NKIRAS1: variants seen among roughly 807,000 people sequenced by gnomAD.
The protein encoded by NKIRAS1 is NF-kappa-B inhibitor-interacting Ras-like protein 1.
NKIRAS1 carries 16 observed loss-of-function variants against 19.8 expected under a neutral mutation model. The ratio of observed to expected loss-of-function variants is 0.81; its 90% CI spans 0.55 to 1.23. The LOEUF is 1.23. Ranked by LOEUF, NKIRAS1 falls within the 50% of genes most tolerant of loss-of-function variation. The probability of loss-of-function intolerance (pLI) is 0.00; values close to 1 mark genes in which losing one functional copy is unlikely to be tolerated. For synonymous variants in NKIRAS1, 88 were observed against 79.0 expected (o/e 1.11, Z -0.61); for missense variants, 184 against 220.0 (o/e 0.84, Z 1.04).
intron 3 of NKIRAS1, among the ~76,000 whole-genome samples, chr3:23,902,719 C>T (rs1393748697): frequency 1.3e-5 from 2 of 152,160 alleles, no homozygotes; most frequent in Non-Finnish European, 2.9e-5. Context: ...TTTCCTCTCC[C>T]ACTCCACGCT....
At chr3:23,920,222 C>T (rs961987531), upstream of NKIRAS1, 33 of 985,640 alleles carry the variant, frequency 3.3e-5, no homozygotes, top group East Asian at 4.5e-4. Flanking sequence ...AATACTTAAC[C>T]GTAATGCTAA....
chr3:23,897,022 C>CA (rs1702060390), intron 4 of NKIRAS1, among the ~76,000 whole-genome samples: 1 of 151,978 alleles, frequency 6.6e-6, no homozygotes, highest in Non-Finnish European at 1.5e-5. Flanking sequence ...GCCTGGGCAA[C>CA]AGAGCAAGAC....
Position 23,927,452 on chromosome 3 carries a change from C to T in NKIRAS1, c.-139-16002G>A, listed in dbSNP as rs4858557. ...TCATAATCAAAGCATTCAAACTTAA[C>T]GAAATGCTGTAGCTGGAATGCACAC... On this transcript the variant is annotated intron_variant, in intron 1 of 4. Transcript: ENST00000421515. This position sits in a 1 kb window ranked among gnomAD's most constrained non-coding sequence, Gnocchi z 4.0. Among the ~76,000 whole-genome samples, 1,037 of 152,280 alleles carry T rather than the reference C, an allele frequency of 6.8e-3. 10 individuals are homozygous for T. Among genetic ancestry groups the T allele is most frequent in the African/African-American group, 0.024 (991 of 41,564 alleles).
chr3:23,943,924 G>GGGTTTTTT (rs1368578877), intron 1 of NKIRAS1, among the ~76,000 whole-genome samples: 1 of 152,060 alleles, frequency 6.6e-6, no homozygotes, highest in Admixed American at 6.5e-5. Flanking sequence ...AGCCATTGGA[G>GGGTTTTTT]GGTTTTCAGC....
At chr3:23,936,415 C>T (rs900483559) in intron 1 of NKIRAS1, among the ~76,000 whole-genome samples, 4 of 152,184 alleles carry the variant, frequency 2.6e-5, no homozygotes, top group South Asian at 4.1e-4. Flanking sequence ...TACTGGCTTT[C>T]TAAGCTGATG....
chr3:23,925,930 A>C (rs1378297577), intron 1 of NKIRAS1, among the ~76,000 whole-genome samples: 1 of 152,228 alleles, frequency 6.6e-6, no homozygotes, highest in South Asian at 2.1e-4. Context: ...CTCCAGTCAT[A>C]TTAGTTACAT....
chr3:23,918,272 G>C, upstream of NKIRAS1: 1 of 908,090 alleles, frequency 1.1e-6, no homozygotes, highest in Non-Finnish European at 1.6e-6. Context: ...CCCTGTGTGA[G>C]TAGCCTAAGG....
intron 4 of NKIRAS1, among the ~76,000 whole-genome samples, chr3:23,898,894 G>A (rs560646035): frequency 7.2e-5 from 11 of 152,152 alleles, no homozygotes; most frequent in Non-Finnish European, 1.6e-4. Flanking sequence ...TCACATCAGT[G>A]GCATGAGGTT....
chr3:23,927,597 A>C lies in NKIRAS1; in HGVS notation c.-139-16147T>G, dbSNP rs1049579796. ...TCATTTATTGGCAATTCTCATTGTCATTTGGAGAGAAGTTCATTATTTGGC... is the reference window on the plus strand; with the variant it reads ...TCATTTATTGGCAATTCTCATTGTCCTTTGGAGAGAAGTTCATTATTTGGC... On this transcript the variant is annotated intron_variant, in intron 1 of 4. Coordinates refer to the NKIRAS1 transcript ENST00000421515. This position sits in a 1 kb window ranked among gnomAD's most constrained non-coding sequence, Gnocchi z 4.0. Among the ~76,000 whole-genome samples, 1 of 152,220 alleles carries C rather than the reference A, an allele frequency of 6.6e-6. No homozygotes were observed.
At chr3:23,925,037 C>T (rs761886329) in intron 1 of NKIRAS1, among the ~76,000 whole-genome samples, 10 of 152,202 alleles carry the variant, frequency 6.6e-5, no homozygotes, top group Non-Finnish European at 1.2e-4. Context: ...GCGTAGAACA[C>T]CCTAACCTGT....
At position 23,891,462 on chromosome 3, in the gene NKIRAS1, T is replaced by C. The variant is rs563448376; in HGVS notation, c.*1633A>G. The C allele has an allele frequency of 6.6e-6, 1 of 152,326 alleles. No homozygotes were observed. Among genetic ancestry groups the C allele is most frequent in the African/African-American group, 2.4e-5 (1 of 41,570 alleles). The allele number at this position is 152,326 out of a possible 1,614,324, so 9.4% of individuals were successfully genotyped here. On this transcript the variant is annotated 3_prime_UTR_variant, in exon 5 of 5. Transcript: ENST00000425478. Reference sequence around the variant, plus strand: ...AGTTACCTATATTAGGATCTGTACTTTACACAGCTGTAGATGAGGTATCCT... The same window carrying C: ...AGTTACCTATATTAGGATCTGTACTCTACACAGCTGTAGATGAGGTATCCT...
intron 3 of NKIRAS1, among the ~76,000 whole-genome samples, chr3:23,909,579 ATC>A (rs886645322): frequency 3.3e-5 from 5 of 152,152 alleles, no homozygotes; most frequent in African/African-American, 4.8e-5. Context: ...TGCTTTGATG[ATC>A]TCTGTTTACT....
intron 3 of NKIRAS1, among the ~76,000 whole-genome samples, chr3:23,901,405 G>C (rs185278838): frequency 6.6e-6 from 1 of 152,094 alleles, no homozygotes; most frequent in East Asian, 1.9e-4. Flanking sequence ...GGCTGGTCTC[G>C]AACTCCTGGG....
At chr3:23,907,351 T>C (rs1296127462) in intron 3 of NKIRAS1, among the ~76,000 whole-genome samples, 1 of 152,096 alleles carries the variant, frequency 6.6e-6, no homozygotes, top group Non-Finnish European at 1.5e-5. Flanking sequence ...TAGTTAAGTT[T>C]CTGGGGGGAC....
In NKIRAS1 at chr3:23,890,696, A is replaced by ATTCC; in HGVS notation, c.*2398_*2399insGGAA. The ATTCC allele has an allele frequency of 1.8e-6, 2 of 1,142,542 alleles. No homozygotes were observed. The highest frequency in any genetic ancestry group is 1.2e-6 in the Non-Finnish European group (1 of 805,442). The allele number at this position is 1,142,542 out of a possible 1,614,324, so 70.8% of individuals were successfully genotyped here. ...GGGGTCAGGGAGGGTGGGAGTTGGT[A>ATTCC]AAGAGTAGGGTATTTCTATAACAGA... On this transcript the variant is annotated 3_prime_UTR_variant, in exon 5 of 5. Transcript: ENST00000425478.
upstream of NKIRAS1, chr3:23,920,088 A>T (rs1704988865): frequency 1.0e-6 from 1 of 985,774 alleles, no homozygotes; most frequent in Non-Finnish European, 1.2e-6. Context: ...TTGAAGTTGA[A>T]TGTGCGATAA....
In NKIRAS1 at chr3:23,946,237, C is replaced by T. The variant is rs540079255; in HGVS notation, c.-140+86G>A. ...TGACACCGCAGTGCACCGGACGCCG[C>T]ACGCTCTTTTCGCGAGGTGACCCCA... On this transcript the variant is annotated intron_variant, in intron 1 of 4. Coordinates refer to the NKIRAS1 transcript ENST00000421515. 8.1e-3 allele frequency: 7,950 copies of T among 985,434 alleles called. 45 individuals are homozygous for T. Among genetic ancestry groups the T allele is most frequent in the Non-Finnish European group, 9.1e-3 (7,538 of 829,938 alleles). 61.0% of individuals were successfully genotyped at this position (985,434 alleles called of 1,614,324 possible).
At chr3:23,920,633 A>G (rs149895970), upstream of NKIRAS1, 1 of 985,110 alleles carries the variant, frequency 1.0e-6, no homozygotes, top group African/African-American at 1.7e-5. Context: ...TGCTGACTTA[A>G]TTTAAATGCT....
chr3:23,919,251 G>C, upstream of NKIRAS1: 2 of 1,613,428 alleles, frequency 1.2e-6, no homozygotes, highest in South Asian at 1.1e-5. Flanking sequence ...TACTGGGTTG[G>C]TGAAGATTCC....
Sources: gnomAD v4.1 joint callset for allele counts (sites outside exome capture counted in the v4.1 genomes callset) on GRCh38, gnomAD v4.1.1 for gene constraint, Gnocchi (gnomAD v3.1) non-coding constraint, MANE v1.5 for transcripts, NCBI Gene and HGNC (gene_info 2026-07-23, HGNC 2026-07-21) for gene names.